DOCK3: variants seen among roughly 807,000 people sequenced by gnomAD.
DOCK3 encodes the protein dedicator of cytokinesis 3, also known as dedicator of cytokinesis protein 3.
DOCK3 carries 60 observed loss-of-function variants against 265.6 expected under a neutral mutation model. The ratio of observed to expected loss-of-function variants is 0.23; its 90% CI spans 0.18 to 0.28. The LOEUF is 0.28. DOCK3 is among the 10% of genes least tolerant of loss of function. The probability of loss-of-function intolerance (pLI) is 1.00; values close to 1 mark genes in which losing one functional copy is unlikely to be tolerated. For synonymous variants in DOCK3, 881 were observed against 938.0 expected (o/e 0.94, Z 1.11); for missense variants, 1,981 against 2,594.3 (o/e 0.76, Z 5.14).
intron 19 of DOCK3, among the ~76,000 whole-genome samples, chr3:51,234,436 A>G (rs2078268424): frequency 6.6e-6 from 1 of 152,072 alleles, no homozygotes. Flanking sequence ...CTCCCATTCC[A>G]TGAGTTGTCT....
intron 23 of DOCK3, among the ~76,000 whole-genome samples, chr3:51,269,507 C>T (rs1455968274): frequency 6.6e-6 from 1 of 152,088 alleles, no homozygotes; most frequent in Non-Finnish European, 1.5e-5. Context: ...ATAAGTTCTC[C>T]AATTGGGCCT....
At chr3:51,030,704 T>A (rs1485774645) in intron 5 of DOCK3, among the ~76,000 whole-genome samples, 1 of 152,186 alleles carries the variant, frequency 6.6e-6, no homozygotes. Context: ...AGGAATAACA[T>A]CTCCAAGAGC....
intron 3 of DOCK3, among the ~76,000 whole-genome samples, chr3:50,873,497 A>G (rs1326902573): frequency 1.3e-5 from 2 of 152,110 alleles, no homozygotes; most frequent in East Asian, 3.9e-4. Flanking sequence ...TGCAAGCTGT[A>G]CAGCCTGGGG....
At chr3:50,927,949 A>G (rs956391127) in intron 4 of DOCK3, among the ~76,000 whole-genome samples, 1 of 152,194 alleles carries the variant, frequency 6.6e-6, no homozygotes, top group East Asian at 1.9e-4. Context: ...CCTCTCTCCC[A>G]TGTACTCTTA....
At chr3:50,746,614 A>T (rs1336009808) in intron 1 of DOCK3, among the ~76,000 whole-genome samples, 1 of 152,140 alleles carries the variant, frequency 6.6e-6, no homozygotes, top group East Asian at 1.9e-4. Context: ...TAAAGAAAAG[A>T]CGCTTAATTG....
chr3:51,168,996 C>T (rs1283075078), intron 12 of DOCK3, among the ~76,000 whole-genome samples: 8 of 151,362 alleles, frequency 5.3e-5, no homozygotes, highest in African/African-American at 2.0e-4. Flanking sequence ...AGCTAAACAT[C>T]ACTGATCATT....
chr3:50,699,231 G>A (rs981313338), intron 1 of DOCK3, among the ~76,000 whole-genome samples: 2 of 152,094 alleles, frequency 1.3e-5, no homozygotes, highest in Admixed American at 1.3e-4. Flanking sequence ...CCATATATGT[G>A]GGGATTTATT....
chr3:50,897,058 C>T (rs2048928706), intron 4 of DOCK3, among the ~76,000 whole-genome samples: 1 of 152,140 alleles, frequency 6.6e-6, no homozygotes, highest in Non-Finnish European at 1.5e-5. Context: ...GACACTGACT[C>T]TATAAATTAC....
chr3:50,950,972 C>G (rs188044992), intron 5 of DOCK3, among the ~76,000 whole-genome samples: 5 of 152,230 alleles, frequency 3.3e-5, no homozygotes, highest in Non-Finnish European at 7.4e-5. Flanking sequence ...CTCTCTCTCT[C>G]TCTCCTGTGA....
chr3:51,316,018 A>G (rs555298267), intron 32 of DOCK3, among the ~76,000 whole-genome samples: 2 of 152,378 alleles, frequency 1.3e-5, no homozygotes, highest in South Asian at 4.1e-4. Context: ...TTAAATTTAC[A>G]TAGAGTAAAA....
intron 9 of DOCK3, among the ~76,000 whole-genome samples, chr3:51,106,684 C>T (rs2083293690): frequency 6.6e-6 from 1 of 152,232 alleles, no homozygotes; most frequent in African/African-American, 2.4e-5. Flanking sequence ...GGCATCAACG[C>T]ATACAGTGGA....
chr3:51,156,993 T>C (rs2085880931), intron 10 of DOCK3, among the ~76,000 whole-genome samples: 2 of 152,220 alleles, frequency 1.3e-5, no homozygotes, highest in Admixed American at 1.3e-4. Context: ...TTCACTTGGA[T>C]AGTACCATCT....
intron 3 of DOCK3, among the ~76,000 whole-genome samples, chr3:50,855,449 T>C (rs1448954503): frequency 6.6e-6 from 1 of 152,124 alleles, no homozygotes; most frequent in Admixed American, 6.6e-5. Context: ...AGTTCTTGAT[T>C]TGGTTCTCAG....
intron 3 of DOCK3, among the ~76,000 whole-genome samples, chr3:50,888,641 T>C (rs2048469969): frequency 6.6e-6 from 1 of 152,160 alleles, no homozygotes; most frequent in African/African-American, 2.4e-5. Context: ...CAAAACAGCA[T>C]GGTACTGGTA....
At chr3:50,841,762 C>G in intron 3 of DOCK3, 47 bp downstream of exon 3, 1 of 171,800 alleles carries the variant, frequency 5.8e-6, no homozygotes, top group East Asian at 6.5e-5. Flanking sequence ...GAAGGAACTA[C>G]CTTGTATGTT....
chr3:50,861,690 CT>C (rs1035004292), intron 3 of DOCK3, among the ~76,000 whole-genome samples: 7 of 149,402 alleles, frequency 4.7e-5, no homozygotes, highest in African/African-American at 7.4e-5. Flanking sequence ...CCTTCTTTGT[CT>C]TTTTTTTCCT....
chr3:50,977,126 G>A (rs2077482033), intron 5 of DOCK3, among the ~76,000 whole-genome samples: 1 of 150,984 alleles, frequency 6.6e-6, no homozygotes, highest in Admixed American at 6.6e-5. Context: ...TTTAATTGGA[G>A]CATTTAGTCC....
chr3:51,356,326 C>T, intron 42 of DOCK3, 71 bp downstream of exon 42: 1 of 1,611,648 alleles, frequency 6.2e-7, no homozygotes, highest in Non-Finnish European at 8.5e-7. Context: ...CTTGGGAACT[C>T]ACCACTGTTT....
chr3:51,336,081 T>G (rs1224394821), intron 35 of DOCK3, among the ~76,000 whole-genome samples: 1 of 151,988 alleles, frequency 6.6e-6, no homozygotes, highest in Non-Finnish European at 1.5e-5. Flanking sequence ...AAAAAATAAT[T>G]GTTCAAAGTT....
Sources: allele counts gnomAD v4.1 joint callset (sites outside exome capture counted in the v4.1 genomes callset), GRCh38; gene constraint gnomAD v4.1.1; transcripts MANE v1.5; gene names NCBI Gene and HGNC (gene_info 2026-07-23, HGNC 2026-07-21).